The following NDST4 variants were observed in gnomAD, a reference collection of about 807,000 sequenced individuals.
NDST4 encodes N-deacetylase and N-sulfotransferase 4.
NDST4 carries 63 observed loss-of-function variants against 100.8 expected under a neutral mutation model. That is an observed-to-expected ratio of 0.62 (90% CI 0.51 to 0.77). The LOEUF (loss-of-function observed/expected upper bound fraction) is 0.77. NDST4 is among the 30% of genes least tolerant of loss of function. The probability of loss-of-function intolerance (pLI) is 0.00; values close to 1 mark genes in which losing one functional copy is unlikely to be tolerated. For synonymous variants in NDST4, 377 were observed against 361.8 expected (o/e 1.04, Z -0.48); for missense variants, 943 against 1,018.4 (o/e 0.93, Z 1.01).
At chr4:114,953,570 A>G (rs72681430) in intron 4 of NDST4, among the ~76,000 whole-genome samples, 2,202 of 152,260 alleles carry the variant, frequency 0.014, 34 homozygotes, top group Non-Finnish European at 0.023. Flanking sequence ...ATTCATATTA[A>G]CAATGAAAAC....
At chr4:114,936,465 A>C (rs1725630873) in intron 5 of NDST4, among the ~76,000 whole-genome samples, 1 of 152,196 alleles carries the variant, frequency 6.6e-6, no homozygotes, top group Non-Finnish European at 1.5e-5. Context: ...TAGATGATAG[A>C]TGGATTTTAA....
At chr4:114,953,074 A>G (rs983604052) in intron 4 of NDST4, among the ~76,000 whole-genome samples, 1 of 147,358 alleles carries the variant, frequency 6.8e-6, no homozygotes, top group Admixed American at 6.9e-5. Flanking sequence ...TTTCTCCCAG[A>G]GACCATCAGC....
At chr4:114,968,113 G>C (rs769685305) in intron 4 of NDST4, among the ~76,000 whole-genome samples, 1 of 152,162 alleles carries the variant, frequency 6.6e-6, no homozygotes, top group Non-Finnish European at 1.5e-5. Flanking sequence ...TTACTACTAA[G>C]AATCCTGTGT....
chr4:114,867,664 G>GAAAAAAAAAAAAAAAAAA (rs1491405935), intron 7 of NDST4, among the ~76,000 whole-genome samples: 1 of 26,084 alleles, frequency 3.8e-5, no homozygotes, highest in Non-Finnish European at 9.7e-5. Flanking sequence ...AAAAAAAAAA[G>GAAAAAAAAAAAAAAAAAA]CAAAAAAAAA....
At chr4:114,870,645 T>G in intron 7 of NDST4, 123 bp downstream of exon 7, 5 of 742,148 alleles carry the variant, frequency 6.7e-6, no homozygotes, top group Non-Finnish European at 9.8e-6. Flanking sequence ...AAGTATTGTA[T>G]AAAAGAGGAT....
intron 4 of NDST4, among the ~76,000 whole-genome samples, chr4:114,957,816 A>G (rs1172945979): frequency 1.3e-5 from 2 of 152,236 alleles, no homozygotes; most frequent in Admixed American, 6.5e-5. Context: ...TCCAAAATCC[A>G]GAAGGGCAAT....
At chr4:114,873,408 T>C (rs1337615843) in intron 6 of NDST4, among the ~76,000 whole-genome samples, 1 of 151,744 alleles carries the variant, frequency 6.6e-6, no homozygotes, top group East Asian at 1.9e-4. Context: ...ATTTAAATCA[T>C]TTAAAAATTT....
rs558464656 is a variant in NDST4 at position 114,921,444 on chromosome 4, A to C, written c.1536+13762T>G. On this transcript the variant is annotated intron_variant, in intron 6 of 13. Transcript: ENST00000264363. ...GTGTTCAAGCAGCAAGAAACAACCAAGCAAAATTCAAGCTGTAAATAAACC... is the reference window on the plus strand; with the variant it reads ...GTGTTCAAGCAGCAAGAAACAACCACGCAAAATTCAAGCTGTAAATAAACC... 1.6e-4 allele frequency among the ~76,000 whole-genome samples: 25 copies of C among 152,322 alleles called. 1 individual carries two copies. The highest frequency in any genetic ancestry group is 6.0e-4 in the African/African-American group (25 of 41,590).
chr4:114,978,749 T>G (rs970305375), intron 2 of NDST4, among the ~76,000 whole-genome samples: 1 of 152,008 alleles, frequency 6.6e-6, no homozygotes, highest in Non-Finnish European at 1.5e-5. Flanking sequence ...AGTCTCCTTA[T>G]CTTGATTTTT....
At position 115,019,682 on chromosome 4, in the gene NDST4, GT is replaced by G. The variant is rs747340508; in HGVS notation, c.979-42409del. ...TTTCAATGGCCCCTCAAAAACCCAT[GT>G]TGCAATTTAATTACCATTGTAATGG... On this transcript the variant is annotated intron_variant, in intron 2 of 13. Transcript: ENST00000264363. Among the ~76,000 whole-genome samples the G allele has an allele frequency of 3.0e-4, 45 of 152,242 alleles. No individual in the cohort carries two copies. In the East Asian group the frequency reaches 3.5e-3, roughly 12 times the overall value.
At chr4:115,006,662 C>G (rs1727424192) in intron 2 of NDST4, among the ~76,000 whole-genome samples, 1 of 151,998 alleles carries the variant, frequency 6.6e-6, no homozygotes, top group East Asian at 1.9e-4. Context: ...TGAATTTGAA[C>G]TACTTGAGGA....
intron 2 of NDST4, among the ~76,000 whole-genome samples, chr4:115,036,413 A>G (rs1728234180): frequency 6.6e-6 from 1 of 150,938 alleles, no homozygotes; most frequent in African/African-American, 2.4e-5. Context: ...GATAATAAGT[A>G]TGTGTGTGCA....
At chr4:115,032,363 G>T (rs1292619619) in intron 2 of NDST4, among the ~76,000 whole-genome samples, 1 of 151,932 alleles carries the variant, frequency 6.6e-6, no homozygotes, top group Non-Finnish European at 1.5e-5. Flanking sequence ...TTTTATGTAA[G>T]AACTAATCTC....
At chr4:114,939,611 C>A (rs1239814503) in intron 4 of NDST4, among the ~76,000 whole-genome samples, 2 of 148,178 alleles carry the variant, frequency 1.3e-5, no homozygotes, top group Non-Finnish European at 3.0e-5. Context: ...AAATATCAAA[C>A]AACTATATCT....
chr4:115,050,830 T>C (rs796067448), intron 2 of NDST4, among the ~76,000 whole-genome samples: 3 of 152,238 alleles, frequency 2.0e-5, no homozygotes, highest in African/African-American at 7.2e-5. Context: ...TAAATTCTTA[T>C]GACTATAGAA....
At position 114,901,229 on chromosome 4, in the gene NDST4, T is replaced by C. The variant is rs147283437; in HGVS notation, c.1537-30279A>G. Among the ~76,000 whole-genome samples the C allele has an allele frequency of 1.0e-2, 1,515 of 152,140 alleles. 19 individuals are homozygous for C. The highest frequency in any genetic ancestry group is 0.034 in the Middle Eastern group (10 of 294). ...TTTTCTCCCTGATGAATCTGTCCAT[T>C]TCTGATAGTTGGGTGTTAAATTTTC... On this transcript the variant is annotated intron_variant, in intron 6 of 13. Coordinates refer to ENST00000264363, the MANE Select transcript of NDST4 (RefSeq NM_022569.3).
In NDST4 at chr4:115,073,243, GA is replaced by G. The variant is rs549403048; in HGVS notation, c.978+2815del. On this transcript the variant is annotated intron_variant, in intron 2 of 13. Coordinates refer to ENST00000264363, the MANE Select transcript of NDST4 (RefSeq NM_022569.3). Reference sequence around the variant, plus strand: ...AAATGTAAACAGTATAGCCACTATGGAAAACAATATGGAGATTCTTCAAAAA... The same window carrying G: ...AAATGTAAACAGTATAGCCACTATGGAAACAATATGGAGATTCTTCAAAAA... Among the ~76,000 whole-genome samples, 7 of 152,004 alleles carry G rather than the reference GA, an allele frequency of 4.6e-5. No individual in the cohort carries two copies. In the South Asian group the frequency reaches 1.5e-3, roughly 32 times the overall value.
intron 2 of NDST4, among the ~76,000 whole-genome samples, chr4:115,038,959 G>C (rs892492126): frequency 1.3e-5 from 2 of 151,862 alleles, no homozygotes; most frequent in African/African-American, 4.9e-5. Flanking sequence ...CAGCCTGAGT[G>C]ACAGCAAGAT....
At chr4:114,872,410 C>G (rs1335887928) in intron 6 of NDST4, among the ~76,000 whole-genome samples, 1 of 151,824 alleles carries the variant, frequency 6.6e-6, no homozygotes, top group Non-Finnish European at 1.5e-5. Flanking sequence ...CGTCACTGGC[C>G]AATGTTACGC....
Sources: gnomAD v4.1 joint callset for allele counts (sites outside exome capture counted in the v4.1 genomes callset) on GRCh38, gnomAD v4.1.1 for gene constraint, MANE v1.5 for transcripts, NCBI Gene and HGNC (gene_info 2026-07-23, HGNC 2026-07-21) for gene names.